The following RAB3GAP2 variants were observed in gnomAD, a reference collection of about 807,000 sequenced individuals.
RAB3GAP2 encodes RAB3 GTPase activating non-catalytic protein subunit 2.
A neutral mutation model predicts 185.3 loss-of-function variants in RAB3GAP2; 87 were observed. The ratio of observed to expected loss-of-function variants is 0.47; its 90% confidence interval spans 0.39 to 0.56. The LOEUF is 0.56. Among genes scored for constraint, RAB3GAP2 ranks in the 20% least tolerant of loss-of-function variants. The pLI is 0.00. For synonymous variants in RAB3GAP2, 554 were observed against 576.1 expected, an observed-to-expected ratio of 0.96 and a Z score of 0.55; for missense variants, 1,492 against 1,638.2, an observed-to-expected ratio of 0.91 and a Z score of 1.54.
chr1:220,266,707 A>G, intron 1 of RAB3GAP2: 1 of 1,571,798 alleles, frequency 6.4e-7, no homozygotes, highest in Non-Finnish European at 8.7e-7. Context: ...ACGATTCCTA[A>G]GAATACTTGC....
chr1:220,215,104 C>T (rs1168234937), intron 2 of RAB3GAP2, among the ~76,000 whole-genome samples: 1 of 151,606 alleles, frequency 6.6e-6, no homozygotes, highest in Non-Finnish European at 1.5e-5. Flanking sequence ...ATTTATTTAA[C>T]CAGTTCCCGA....
intron 2 of RAB3GAP2, among the ~76,000 whole-genome samples, chr1:220,220,100 C>CA (rs201440645): frequency 6.6e-6 from 1 of 152,076 alleles, no homozygotes; most frequent in East Asian, 1.9e-4. Flanking sequence ...AAATGTAAAA[C>CA]AAAAAAAGCA....
At chr1:220,264,008 C>T (rs140176809) in intron 1 of RAB3GAP2, among the ~76,000 whole-genome samples, 17 of 151,696 alleles carry the variant, frequency 1.1e-4, no homozygotes, top group East Asian at 5.9e-4. Context: ...ATTCTAAACA[C>T]TATAGGGAAA....
At chr1:220,204,322 T>C (rs901278364) in intron 8 of RAB3GAP2, among the ~76,000 whole-genome samples, 4 of 152,176 alleles carry the variant, frequency 2.6e-5, no homozygotes, top group African/African-American at 9.6e-5. Flanking sequence ...TCAGAATCTT[T>C]TAAATTATTT....
At chr1:220,214,526 A>G (rs1164047479) in intron 2 of RAB3GAP2, among the ~76,000 whole-genome samples, 3 of 151,712 alleles carry the variant, frequency 2.0e-5, no homozygotes, top group East Asian at 3.9e-4. Flanking sequence ...ACTCTGTCTC[A>G]GGGAAAAAAA....
intron 17 of RAB3GAP2, among the ~76,000 whole-genome samples, chr1:220,188,364 A>G (rs555018703): frequency 2.0e-5 from 3 of 152,306 alleles, no homozygotes; most frequent in African/African-American, 7.2e-5. Context: ...TCCAGTTTTG[A>G]TTGAAAGTAG....
intron 24 of RAB3GAP2, among the ~76,000 whole-genome samples, 180 bp downstream of exon 24, chr1:220,170,712 C>T (rs963287967): frequency 6.6e-6 from 1 of 152,100 alleles, no homozygotes; most frequent in African/African-American, 2.4e-5. Context: ...AGTTCCTGAG[C>T]GTGGAACTGA....
intron 28 of RAB3GAP2, among the ~76,000 whole-genome samples, chr1:220,161,626 G>C (rs1472657157): frequency 1.3e-5 from 2 of 152,170 alleles, no homozygotes; most frequent in Admixed American, 1.3e-4. Flanking sequence ...AAAAAAGGGG[G>C]AGTTATTTCC....
chr1:220,230,345 C>A (rs567659436), intron 2 of RAB3GAP2, among the ~76,000 whole-genome samples: 2 of 152,194 alleles, frequency 1.3e-5, no homozygotes, highest in Non-Finnish European at 2.9e-5. Context: ...TAGTTTAAAT[C>A]CGGAGTAAGC....
intron 1 of RAB3GAP2, among the ~76,000 whole-genome samples, chr1:220,236,000 TAAAG>T (rs1558165400): frequency 2.0e-5 from 3 of 152,156 alleles, no homozygotes; most frequent in Non-Finnish European, 4.4e-5. Flanking sequence ...CAAGTCAAGA[TAAAG>T]GAAGGTGAAA....
intron 2 of RAB3GAP2, among the ~76,000 whole-genome samples, chr1:220,215,833 G>A (rs908105092): frequency 6.6e-6 from 1 of 152,022 alleles, no homozygotes; most frequent in African/African-American, 2.4e-5. Context: ...TATTGAAAAG[G>A]GGAGGGAAAG....
intron 2 of RAB3GAP2, among the ~76,000 whole-genome samples, chr1:220,232,483 G>T (rs1419772376): frequency 1.3e-5 from 2 of 152,154 alleles, no homozygotes; most frequent in African/African-American, 4.8e-5. Flanking sequence ...CAGCAAGAAG[G>T]CTCTTGCCAG....
chr1:220,272,231 C>T lies in RAB3GAP2; in HGVS notation c.107G>A (p.Arg36Lys), dbSNP rs563769606. ...REEILSGALR[R>K]DPSKSTDWED... ...GCCAGAGAGGCACTTACTGGGGTCC[C>T]TCCGCAAGGCGCCGCTGAGGATCTC... Residue 36 changes from arginine to lysine, a missense_variant, in exon 1 of 35, where the codon AGG becomes AAG. Transcript: ENST00000358951. The T allele has an allele frequency of 5.0e-6, 8 of 1,606,048 alleles. No homozygotes were observed. The highest frequency in any genetic ancestry group is 6.8e-6 in the Non-Finnish European group (8 of 1,177,420).
intron 1 of RAB3GAP2, among the ~76,000 whole-genome samples, chr1:220,236,758 C>T (rs1301195228): frequency 6.6e-6 from 1 of 151,740 alleles, no homozygotes; most frequent in African/African-American, 2.4e-5. Flanking sequence ...TCTGTTCAGG[C>T]ACGGTACTTC....
intron 7 of RAB3GAP2, chr1:220,207,930 C>T (rs1321240219): frequency 1.3e-5 from 2 of 152,162 alleles, no homozygotes; most frequent in Non-Finnish European, 2.9e-5. Context: ...GCTCCTAGAG[C>T]TGAATTAGAG....
chr1:220,264,344 A>T (rs1270871847), intron 1 of RAB3GAP2, among the ~76,000 whole-genome samples: 1 of 152,128 alleles, frequency 6.6e-6, no homozygotes, highest in Non-Finnish European at 1.5e-5. Context: ...AAAATTTGGA[A>T]AACTAATAAT....
intron 1 of RAB3GAP2, among the ~76,000 whole-genome samples, chr1:220,252,349 G>T (rs1422265559): frequency 3.9e-5 from 6 of 152,124 alleles, no homozygotes; most frequent in African/African-American, 1.4e-4. Context: ...ATTAGCTTGT[G>T]TGTATGTGTG....
intron 1 of RAB3GAP2, among the ~76,000 whole-genome samples, chr1:220,271,892 G>T (rs1408871440): frequency 7.8e-6 from 1 of 128,992 alleles, no homozygotes; most frequent in African/African-American, 2.9e-5. Flanking sequence ...GGGAGACGGA[G>T]AAGATACTCA....
chr1:220,253,858 A>C, intron 1 of RAB3GAP2: 1 of 1,613,054 alleles, frequency 6.2e-7, no homozygotes, highest in Non-Finnish European at 8.5e-7. Flanking sequence ...CCCAGGAAAG[A>C]AGACATCTGG....
Sources: allele counts gnomAD v4.1 joint callset (sites outside exome capture counted in the v4.1 genomes callset), GRCh38; gene constraint gnomAD v4.1.1; transcripts MANE v1.5; gene names NCBI Gene and HGNC (gene_info 2026-07-23, HGNC 2026-07-21).